EPC2: variants seen among roughly 807,000 people sequenced by gnomAD.
The protein encoded by EPC2 is enhancer of polycomb homolog 2.
EPC2 carries 14 observed loss-of-function variants against 92.1 expected under a neutral mutation model. That is an observed-to-expected ratio of 0.15 (90% confidence interval 0.10 to 0.24). The LOEUF (loss-of-function observed/expected upper bound fraction) is 0.24. Among genes scored for constraint, EPC2 ranks in the 10% least tolerant of loss-of-function variants. The probability of loss-of-function intolerance (pLI) is 1.00; values close to 1 mark genes in which losing one functional copy is unlikely to be tolerated. For synonymous variants in EPC2, 340 were observed against 334.7 expected (o/e 1.02, Z -0.17); for missense variants, 755 against 971.5 (o/e 0.78, Z 2.96).
chr2:148,724,667 A>G (rs528462195), intron 2 of EPC2, among the ~76,000 whole-genome samples: 86 of 152,238 alleles, frequency 5.6e-4, no homozygotes, highest in African/African-American at 2.0e-3. Flanking sequence ...GTCATTTTTT[A>G]TCTACAACCT....
intron 1 of EPC2, among the ~76,000 whole-genome samples, chr2:148,675,326 C>T (rs1297437777): frequency 2.6e-5 from 4 of 151,900 alleles, no homozygotes; most frequent in African/African-American, 9.7e-5. Flanking sequence ...TTTTTCGTAT[C>T]CCTAAATGCT....
At chr2:148,650,011 A>G (rs1168812896) in intron 1 of EPC2, among the ~76,000 whole-genome samples, 4 of 152,078 alleles carry the variant, frequency 2.6e-5, no homozygotes, top group South Asian at 2.1e-4. Flanking sequence ...GCACCATTAT[A>G]TTTATCCCAC....
At chr2:148,744,412 T>A (rs1355837052) in intron 3 of EPC2, among the ~76,000 whole-genome samples, 2 of 152,102 alleles carry the variant, frequency 1.3e-5, no homozygotes, top group Admixed American at 1.3e-4. Flanking sequence ...ATAAATAAGA[T>A]GTCTCTGAGG....
chr2:148,765,814 G>T (rs957046253), intron 7 of EPC2, among the ~76,000 whole-genome samples: 5 of 152,274 alleles, frequency 3.3e-5, no homozygotes, highest in South Asian at 2.1e-4. Flanking sequence ...GAGGCAGGCG[G>T]ATCACAAGAT....
At chr2:148,781,807 C>G in intron 11 of EPC2, 27 bp downstream of exon 11, 1 of 1,611,544 alleles carries the variant, frequency 6.2e-7, no homozygotes, top group South Asian at 1.1e-5. Context: ...GTCATAGTTA[C>G]GTTTGTTTCT....
At chr2:148,672,649 TTG>T (rs1292976051) in intron 1 of EPC2, among the ~76,000 whole-genome samples, 1 of 152,204 alleles carries the variant, frequency 6.6e-6, no homozygotes, top group Non-Finnish European at 1.5e-5. Context: ...ATTATATTTT[TTG>T]TGTTTTGTAT....
At chr2:148,650,111 C>A (rs1680642198) in intron 1 of EPC2, among the ~76,000 whole-genome samples, 1 of 152,134 alleles carries the variant, frequency 6.6e-6, no homozygotes, top group Non-Finnish European at 1.5e-5. Flanking sequence ...TATAATGTCT[C>A]TAAGGGCAAA....
chr2:148,784,528 C>G (rs535031771), intron 12 of EPC2, 140 bp from the exon 13 acceptor site: 3 of 650,506 alleles, frequency 4.6e-6, no homozygotes, highest in Non-Finnish European at 5.2e-6. Context: ...ATCAGAAGCT[C>G]CCTTTGGAGA....
At chr2:148,645,199 CT>C (rs776818211) in intron 1 of EPC2, 29 bp downstream of exon 1, 7 of 1,541,522 alleles carry the variant, frequency 4.5e-6, no homozygotes, top group Non-Finnish European at 6.2e-6. Context: ...ATTACCCCCC[CT>C]TCCCTCCTCC....
chr2:148,646,695 C>T (rs781031598), intron 1 of EPC2, among the ~76,000 whole-genome samples: 7 of 151,502 alleles, frequency 4.6e-5, no homozygotes, highest in Non-Finnish European at 5.9e-5. Flanking sequence ...TTACATTGAA[C>T]CCTAATAAGC....
intron 2 of EPC2, among the ~76,000 whole-genome samples, chr2:148,723,462 C>G (rs1181643020): frequency 6.6e-6 from 1 of 152,168 alleles, no homozygotes; most frequent in East Asian, 1.9e-4. Context: ...TCCCTCTCCC[C>G]CATTGGTTTT....
chr2:148,787,490 C>G lies in EPC2; in HGVS notation c.*1113C>G, dbSNP rs1447173535. 4 of 152,530 alleles carry G rather than the reference C, an allele frequency of 2.6e-5. No homozygotes were observed. Among genetic ancestry groups the G allele is most frequent in the African/African-American group, 9.7e-5 (4 of 41,416 alleles). The allele number at this position is 152,530 out of a possible 1,614,324, so 9.4% of individuals were successfully genotyped here. The stretch of plus-strand genomic sequence containing the variant: ...GTGTTTCAGAATGTTTGTTTATGCA[C>G]TAGTTCAGACAACTTTCCCTGTTAC... On this transcript the variant is annotated 3_prime_UTR_variant, in exon 14 of 14. Transcript: ENST00000258484.
intron 2 of EPC2, among the ~76,000 whole-genome samples, chr2:148,737,526 C>T (rs1682781761): frequency 6.6e-6 from 1 of 152,112 alleles, no homozygotes; most frequent in Admixed American, 6.5e-5. Context: ...ACTTCCACTA[C>T]TCTCTTTCTC....
At chr2:148,703,585 G>A (rs956326710) in intron 2 of EPC2, among the ~76,000 whole-genome samples, 1 of 152,140 alleles carries the variant, frequency 6.6e-6, no homozygotes, top group Non-Finnish European at 1.5e-5. Flanking sequence ...CTGGAGTACA[G>A]TGGTGTGATC....
At chr2:148,727,254 T>C (rs1384915608) in intron 2 of EPC2, among the ~76,000 whole-genome samples, 1 of 152,216 alleles carries the variant, frequency 6.6e-6, no homozygotes, top group African/African-American at 2.4e-5. Flanking sequence ...CAGGGTTTAT[T>C]TCTGGGGTTT....
chr2:148,713,923 G>T (rs1258322883), intron 2 of EPC2, among the ~76,000 whole-genome samples: 1 of 152,116 alleles, frequency 6.6e-6, no homozygotes, highest in Non-Finnish European at 1.5e-5. Context: ...TGATTGAGGG[G>T]TACATGTGCA....
intron 3 of EPC2, among the ~76,000 whole-genome samples, chr2:148,751,028 G>A (rs773052059): frequency 1.3e-5 from 2 of 151,922 alleles, no homozygotes; most frequent in Non-Finnish European, 2.9e-5. Flanking sequence ...ATTAATTTGT[G>A]TTTGTCTTAC....
chr2:148,663,257 C>T (rs915885457), intron 1 of EPC2, among the ~76,000 whole-genome samples: 5 of 145,788 alleles, frequency 3.4e-5, no homozygotes, highest in African/African-American at 1.0e-4. Flanking sequence ...CAGAGTCTCT[C>T]GCCCAAGCTG....
chr2:148,674,466 A>G (rs1681223849), intron 1 of EPC2, among the ~76,000 whole-genome samples: 1 of 152,184 alleles, frequency 6.6e-6, no homozygotes, highest in South Asian at 2.1e-4. Context: ...AAAAGCCATG[A>G]ACTGGACACT....
Sources: allele counts gnomAD v4.1 joint callset (sites outside exome capture counted in the v4.1 genomes callset), GRCh38; gene constraint gnomAD v4.1.1; transcripts MANE v1.5; gene names NCBI Gene and HGNC (gene_info 2026-07-23, HGNC 2026-07-21).